Variants in SYT9 observed in about 807,000 individuals in gnomAD.
SYT9 encodes the protein synaptotagmin 9, also known as synaptotagmin-9.
Under a neutral mutation model 48.4 loss-of-function variants are expected in SYT9, and 22 were observed. The ratio of observed to expected loss-of-function variants is 0.45; its 90% confidence interval spans 0.32 to 0.65. The LOEUF (loss-of-function observed/expected upper bound fraction) is 0.65. Ranked by LOEUF, SYT9 falls within the 30% of genes least tolerant of loss-of-function variation. The probability of loss-of-function intolerance (pLI) is 0.03; values close to 1 mark genes in which losing one functional copy is unlikely to be tolerated. For missense variants in SYT9, 577 were observed against 622.0 expected, an observed-to-expected ratio of 0.93 and a Z score of 0.77; for synonymous variants, 265 against 245.0, an observed-to-expected ratio of 1.08 and a Z score of -0.76.
intron 3 of SYT9, among the ~76,000 whole-genome samples, chr11:7,331,506 T>C (rs774100343): frequency 2.0e-5 from 3 of 152,028 alleles, no homozygotes; most frequent in Non-Finnish European, 4.4e-5. Context: ...GCCGAGGAAT[T>C]TGAGACTAGC....
intron 3 of SYT9, among the ~76,000 whole-genome samples, chr11:7,410,182 T>C (rs1211795918): frequency 6.6e-6 from 1 of 152,228 alleles, no homozygotes; most frequent in East Asian, 1.9e-4. Flanking sequence ...GATTTATTGT[T>C]TTATTCCATT....
chr11:7,445,708 G>A (rs939114024), intron 6 of SYT9, among the ~76,000 whole-genome samples: 6 of 152,232 alleles, frequency 3.9e-5, no homozygotes, highest in East Asian at 3.9e-4. Context: ...CTGGGAAGAC[G>A]GCCCACAGGG....
rs544182045 is a variant in SYT9 at position 7,296,719 on chromosome 11, A to G, written c.146-6320A>G. On this transcript the variant is annotated intron_variant, in intron 1 of 6. Coordinates refer to ENST00000318881, the MANE Select transcript of SYT9 (RefSeq NM_175733.4). Reference sequence around the variant, plus strand: ...TTAAAAATACAGAAAATAAGATATTAAATAAAGGCTTTGTATTTACGTGAA... The same window carrying G: ...TTAAAAATACAGAAAATAAGATATTGAATAAAGGCTTTGTATTTACGTGAA... Among the ~76,000 whole-genome samples, 3 of 152,364 alleles carry G rather than the reference A, an allele frequency of 2.0e-5. No homozygotes were observed. In the East Asian group the frequency reaches 5.8e-4, roughly 29 times the overall value.
intron 1 of SYT9, among the ~76,000 whole-genome samples, chr11:7,284,339 T>C (rs576351789): frequency 1.1e-4 from 16 of 152,280 alleles, no homozygotes; most frequent in African/African-American, 3.8e-4. Context: ...TTCCCTACTT[T>C]CTCTTTCTTG....
At chr11:7,417,867 C>T in intron 4 of SYT9, 90 bp from the exon 5 acceptor site, 1 of 1,394,532 alleles carries the variant, frequency 7.2e-7, no homozygotes, top group Non-Finnish European at 9.8e-7. Flanking sequence ...GTTCAGCATA[C>T]CATAGTCCAT....
intron 6 of SYT9, among the ~76,000 whole-genome samples, chr11:7,449,346 AAAAAT>A (rs1564908100): frequency 6.7e-6 from 1 of 149,618 alleles, no homozygotes; most frequent in African/African-American, 2.5e-5. Flanking sequence ...AAAAAAAAAA[AAAAAT>A]GGAGCAAAAG....
rs140525588 is a variant in SYT9, at chr11:7,420,552, G to C, written c.1384G>C (p.Ala462Pro). 9 of 1,614,070 alleles carry C rather than the reference G, an allele frequency of 5.6e-6. No homozygotes were observed. Among genetic ancestry groups the C allele is most frequent in the Non-Finnish European group, 7.6e-6 (9 of 1,180,032 alleles). The change falls in exon 6 of 7, where the codon GCT becomes CCT. Residue 462 changes from alanine to proline, a missense_variant. Physicochemically the swap from Ala to Pro is conservative, Grantham distance 27 (BLOSUM62 -1). Transcript: ENST00000318881. ...CGGCGTGTGTCAAGTAGGCAACGAG[G>C]CTGAGAGGCTGGGCAGAGACCACTG... Reference protein sequence around the residue: ...IIGVCQVGNEAERLGRDHWSE... With the variant: ...IIGVCQVGNEPERLGRDHWSE...
At chr11:7,254,924 A>C (rs1053892839) in intron 1 of SYT9, among the ~76,000 whole-genome samples, 5 of 152,170 alleles carry the variant, frequency 3.3e-5, no homozygotes, top group Non-Finnish European at 7.4e-5. Context: ...TTTTTTGTCC[A>C]GGTAGTTATA....
At chr11:7,394,424 G>A (rs991129079) in intron 3 of SYT9, among the ~76,000 whole-genome samples, 97 of 152,190 alleles carry the variant, frequency 6.4e-4, no homozygotes, top group African/African-American at 2.3e-3. Flanking sequence ...ATAAACATAC[G>A]TGTGCATGTG....
chr11:7,418,465 T>C (rs934731112), intron 5 of SYT9, among the ~76,000 whole-genome samples: 10 of 152,372 alleles, frequency 6.6e-5, no homozygotes, highest in African/African-American at 2.4e-4. Flanking sequence ...ACAGGTTTTA[T>C]CTTCTGTCAG....
At chr11:7,393,366 CT>C (rs35223641) in intron 3 of SYT9, among the ~76,000 whole-genome samples, 128 of 145,270 alleles carry the variant, frequency 8.8e-4, no homozygotes, top group African/African-American at 2.9e-3. Context: ...TTGAGATGAT[CT>C]TTTTTTTTAA....
At chr11:7,240,374 T>C (rs550660219) in intron 1 of SYT9, among the ~76,000 whole-genome samples, 67 of 152,250 alleles carry the variant, frequency 4.4e-4, no homozygotes, top group Admixed American at 4.4e-3. Context: ...CACCGCTAGA[T>C]ACTGAAGAAA....
intron 3 of SYT9, among the ~76,000 whole-genome samples, chr11:7,320,474 T>C (rs1292714248): frequency 6.6e-6 from 1 of 152,236 alleles, no homozygotes; most frequent in Non-Finnish European, 1.5e-5. Context: ...TTTCTTTCTA[T>C]AAGTGCAAAA....
chr11:7,356,856 A>T (rs1019008301), intron 3 of SYT9, among the ~76,000 whole-genome samples: 2 of 152,212 alleles, frequency 1.3e-5, no homozygotes, highest in Non-Finnish European at 2.9e-5. Context: ...ACTGTGTGCC[A>T]GGCACTGCAC....
intron 6 of SYT9, among the ~76,000 whole-genome samples, chr11:7,456,094 C>T (rs1029429807): frequency 1.3e-5 from 2 of 152,252 alleles, no homozygotes; most frequent in African/African-American, 4.8e-5. Flanking sequence ...ACATTTACCA[C>T]TTACCACCTC....
chr11:7,357,236 A>G (rs1850037839), intron 3 of SYT9, among the ~76,000 whole-genome samples: 1 of 152,196 alleles, frequency 6.6e-6, no homozygotes, highest in South Asian at 2.1e-4. Context: ...GGAAAGTGAT[A>G]TGATCCTATT....
intron 3 of SYT9, among the ~76,000 whole-genome samples, chr11:7,341,307 G>A (rs192436528): frequency 1.3e-3 from 205 of 152,248 alleles, no homozygotes; most frequent in Admixed American, 4.8e-3. Context: ...TCTGATATGC[G>A]TTGGCTGTGT....
At chr11:7,267,214 T>TG (rs1361224725) in intron 1 of SYT9, among the ~76,000 whole-genome samples, 1 of 151,984 alleles carries the variant, frequency 6.6e-6, no homozygotes, top group African/African-American at 2.4e-5. Context: ...ATTAGAATTA[T>TG]GTTGGAGACT....
chr11:7,343,005 G>A (rs1371175583), intron 3 of SYT9, among the ~76,000 whole-genome samples: 1 of 152,206 alleles, frequency 6.6e-6, no homozygotes, highest in Non-Finnish European at 1.5e-5. Flanking sequence ...TTTAGCCATG[G>A]CTAGTGCATC....
Sources: gnomAD v4.1 joint callset for allele counts (sites outside exome capture counted in the v4.1 genomes callset) on GRCh38, gnomAD v4.1.1 for gene constraint, MANE v1.5 for transcripts, NCBI Gene and HGNC (gene_info 2026-07-23, HGNC 2026-07-21) for gene names.